CNOT3: variants seen among roughly 807,000 people sequenced by gnomAD.
The protein encoded by CNOT3 is CCR4-associated factor 3.
In CNOT3, 2 loss-of-function variants were observed where a neutral mutation model predicts 89.4. That is an observed-to-expected ratio of 0.02 (90% CI 0.01 to 0.07). The LOEUF (loss-of-function observed/expected upper bound fraction) is 0.07. Among genes scored for constraint, CNOT3 ranks in the 10% least tolerant of loss-of-function variants. CNOT3 has a pLI of 1.00. For missense variants in CNOT3, 664 were observed against 1,010.2 expected, an observed-to-expected ratio of 0.66 and a Z score of 4.65; for synonymous variants, 486 against 402.0, an observed-to-expected ratio of 1.21 and a Z score of -2.50.
intron 1 of CNOT3, among the ~76,000 whole-genome samples, chr19:54,139,402 C>T (rs62144173): frequency 2.0e-5 from 3 of 152,130 alleles, no homozygotes; most frequent in Admixed American, 2.0e-4. Flanking sequence ...ACAAGGGTTT[C>T]GCCTTCTGGC....
In CNOT3 at chr19:54,142,433, T is replaced by TAC. The variant is rs3037339; in HGVS notation, c.-50-479_-50-478dup. The stretch of plus-strand genomic sequence containing the variant: ...AATCTTTCTTCTCCTACCTACAGCT[T>TAC]ACACACACACACACACACGCCCTTC... On this transcript the variant is annotated intron_variant, in intron 1 of 17. Transcript: ENST00000221232. The TAC allele has an allele frequency of 4.7e-5, 6 of 126,720 alleles. No individual in the cohort carries two copies. In the South Asian group the frequency reaches 8.2e-4, roughly 17 times the overall value. 7.8% of individuals were successfully genotyped at this position (126,720 alleles called of 1,614,324 possible). A position where few individuals can be genotyped will look rare whatever the true frequency, so the allele number is the denominator to read the frequency against.
At chr19:54,154,140 C>T (rs4806718) in intron 17 of CNOT3, 375,705 of 612,752 alleles carry the variant, frequency 0.61, 116,718 homozygotes, top group East Asian at 0.72. Flanking sequence ...GCACACTCGC[C>T]TGGGGTGTGG....
chr19:54,149,672 T>G lies in CNOT3; in HGVS notation c.1519T>G (p.Ser507Ala). The change falls in exon 13 of 18, where the codon TCC becomes GCC. Residue 507 changes from serine to alanine, a missense_variant. Coordinates refer to ENST00000221232, the MANE Select transcript of CNOT3 (RefSeq NM_014516.4). ...GCCACTGCCTGTGAATCCTCCCAGC[T>G]CCCCAACGCCCAGCTTCAGTGATGC... ...LVPLPVNPPS[S>A]PTPSFSDAKA... 1 of 1,613,954 alleles carries G rather than the reference T, an allele frequency of 6.2e-7. No homozygotes were observed. The highest frequency in any genetic ancestry group is 8.5e-7 in the Non-Finnish European group (1 of 1,179,950).
At position 54,144,264 on chromosome 19, in the gene CNOT3, G is replaced by A. The variant is rs1384147759; in HGVS notation, c.415G>A (p.Val139Met). Reference sequence around the variant, plus strand: ...TACCATCGACACGCTCAACATGCAGGTGGACCAGTTTGAGAGTGAAGTGGA... The same window carrying A: ...TACCATCGACACGCTCAACATGCAGATGGACCAGTTTGAGAGTGAAGTGGA... Reference protein sequence around the residue: ...TNTIDTLNMQVDQFESEVESL... With the variant: ...TNTIDTLNMQMDQFESEVESL... The change falls in exon 7 of 18, where the codon GTG becomes ATG. Residue 139 changes from valine (V) to methionine (M), a missense_variant. Around this residue, in one of 8 missense-constraint regions of CNOT3, gnomAD observed 37 missense variants for 79.5 expected, o/e 0.47. Coordinates refer to ENST00000221232, the MANE Select transcript of CNOT3 (RefSeq NM_014516.4). This position sits in a 1 kb window ranked among gnomAD's most constrained non-coding sequence, Gnocchi z 4.8. The A allele has an allele frequency of 2.5e-6, 4 of 1,614,038 alleles. No homozygotes were observed. Among genetic ancestry groups the A allele is most frequent in the Non-Finnish European group, 3.4e-6 (4 of 1,180,008 alleles).
chr19:54,141,060 AAG>A (rs767254874), intron 1 of CNOT3, among the ~76,000 whole-genome samples: 18 of 152,146 alleles, frequency 1.2e-4, no homozygotes, highest in Admixed American at 4.6e-4. Flanking sequence ...CCTATGCAGT[AAG>A]AGGCTTTTCT....
rs952560398 is a variant in CNOT3 at position 54,145,435 on chromosome 19, G to A, written c.484-163G>A. 38 of 614,780 alleles carry A rather than the reference G, an allele frequency of 6.2e-5. No homozygotes were observed. In the African/African-American group the frequency reaches 6.8e-4, roughly 11 times the overall value. The allele number at this position is 614,780 out of a possible 1,614,324, so 38.1% of individuals were successfully genotyped here. A position where few individuals can be genotyped will look rare whatever the true frequency, so the allele number is the denominator to read the frequency against. On this transcript the variant is annotated intron_variant, in intron 7 of 17. Coordinates refer to ENST00000221232, the MANE Select transcript of CNOT3 (RefSeq NM_014516.4). The surrounding 1 kb of genome is among the most constrained non-coding windows in gnomAD (Gnocchi z 5.9). ...CAAGGCTAAGATTGGTCCCCACAGG[G>A]CTCAGAGGGTGGGTGGACCCCATAC...
At chr19:54,150,421 C>T (rs1447795713) in intron 13 of CNOT3, among the ~76,000 whole-genome samples, 2 of 152,152 alleles carry the variant, frequency 1.3e-5, no homozygotes, top group African/African-American at 4.8e-5. Flanking sequence ...GTCCACTCTG[C>T]AGGAGACAGT....
chr19:54,146,500 C>T (rs1314611949), intron 9 of CNOT3, 101 bp from the exon 10 acceptor site: 5 of 755,936 alleles, frequency 6.6e-6, no homozygotes, highest in South Asian at 1.4e-5. Context: ...GCCGCAATGG[C>T]AGTCAATTGG....
chr19:54,151,432 G>A (rs1264457260), intron 13 of CNOT3, among the ~76,000 whole-genome samples: 1 of 152,134 alleles, frequency 6.6e-6, no homozygotes, highest in Non-Finnish European at 1.5e-5. Context: ...AGCTGGGCGT[G>A]GTGGCTCACA....
Position 54,145,852 on chromosome 19 carries a change from G to A in CNOT3, c.703+35G>A. ...TGGGGCTGATCGTGGCACAGGAAGTGAGGGCCCAGAATGGGCTGTGTGAGC... is the reference window on the plus strand; with the variant it reads ...TGGGGCTGATCGTGGCACAGGAAGTAAGGGCCCAGAATGGGCTGTGTGAGC... On this transcript the variant is annotated intron_variant, in intron 8 of 17. Transcript: ENST00000221232. The surrounding 1 kb of genome is among the most constrained non-coding windows in gnomAD (Gnocchi z 5.9). 6.2e-7 allele frequency: 1 copy of A among 1,609,320 alleles called. No individual in the cohort carries two copies. Among genetic ancestry groups the A allele is most frequent in the South Asian group, 1.1e-5 (1 of 90,886 alleles).
chr19:54,141,554 T>A (rs1030388072), intron 1 of CNOT3: 2 of 152,238 alleles, frequency 1.3e-5, no homozygotes, highest in African/African-American at 4.8e-5. Flanking sequence ...ACATTTCAGA[T>A]GTTCAGTGGC....
chr19:54,137,939 C>G lies in CNOT3; in HGVS notation c.-105C>G, dbSNP rs1260785483. The stretch of plus-strand genomic sequence containing the variant: ...GGGCGCGAGAAAAAGGCGGCGGGCG[C>G]TCGCCTCCCCCGCCTGTCGCGATAC... On this transcript the variant is annotated 5_prime_UTR_variant, in exon 1 of 18. Transcript: ENST00000221232. 1 of 152,102 alleles carries G rather than the reference C, an allele frequency of 6.6e-6. No individual in the cohort carries two copies. Among genetic ancestry groups the G allele is most frequent in the East Asian group, 1.9e-4 (1 of 5,152 alleles). The allele number at this position is 152,102 out of a possible 1,614,324, so 9.4% of individuals were successfully genotyped here.
intron 3 of CNOT3, 25 bp downstream of exon 3, chr19:54,143,211 T>C (rs746708232): frequency 6.2e-7 from 1 of 1,605,290 alleles, no homozygotes; most frequent in South Asian, 1.1e-5. Flanking sequence ...ACCCTAATAA[T>C]CTGGGTCTTC....
intron 1 of CNOT3, among the ~76,000 whole-genome samples, chr19:54,140,552 A>T (rs902069212): frequency 3.3e-5 from 5 of 152,112 alleles, no homozygotes; most frequent in African/African-American, 1.2e-4. Flanking sequence ...GACCAGAGGT[A>T]CAGATACCCT....
intron 10 of CNOT3, among the ~76,000 whole-genome samples, chr19:54,147,181 G>A (rs1263187140): frequency 6.6e-6 from 1 of 152,182 alleles, no homozygotes. Context: ...AGACGGTGGC[G>A]GGCAGTGCTT....
rs2075358496 is a variant in CNOT3, at chr19:54,155,526, A to T, written c.*119A>T. On this transcript the variant is annotated 3_prime_UTR_variant, in exon 18 of 18. Coordinates refer to ENST00000221232, the MANE Select transcript of CNOT3 (RefSeq NM_014516.4). ...AAGCCACGGGGCATCCCCCTCTCCCAGGAAGCAGGGAGGGGGCCGGGAGGT... is the reference window on the plus strand; with the variant it reads ...AAGCCACGGGGCATCCCCCTCTCCCTGGAAGCAGGGAGGGGGCCGGGAGGT... 3 of 916,064 alleles carry T rather than the reference A, an allele frequency of 3.3e-6. No homozygotes were observed. Among genetic ancestry groups the T allele is most frequent in the Non-Finnish European group, 4.9e-6 (3 of 614,290 alleles). 56.7% of individuals were successfully genotyped at this position (916,064 alleles called of 1,614,324 possible). A position where few individuals can be genotyped will look rare whatever the true frequency, so the allele number is the denominator to read the frequency against.
At chr19:54,147,973 G>C (rs587601220) in intron 10 of CNOT3, among the ~76,000 whole-genome samples, 175 bp from the exon 11 acceptor site, 1 of 152,138 alleles carries the variant, frequency 6.6e-6, no homozygotes. Context: ...GCATGAAGGT[G>C]ATTGAAGCCA....
intron 17 of CNOT3, 36 bp from the exon 18 acceptor site, chr19:54,155,273 C>G: frequency 6.2e-7 from 1 of 1,609,944 alleles, no homozygotes; most frequent in Non-Finnish European, 8.5e-7. Context: ...AGACCACCTC[C>G]TCGTCCACTC....
At chr19:54,142,607 C>G (rs745621406) in intron 1 of CNOT3, 10 of 425,576 alleles carry the variant, frequency 2.3e-5, no homozygotes, top group African/African-American at 4.0e-5. Context: ...CATGACTGTC[C>G]TGCTCTGAAA....
Sources: gnomAD v4.1 joint callset for allele counts (sites outside exome capture counted in the v4.1 genomes callset) on GRCh38, gnomAD v4.1.1 for gene constraint, gnomAD v4.1.1 regional missense constraint, Gnocchi (gnomAD v3.1) non-coding constraint, MANE v1.5 for transcripts, NCBI Gene and HGNC (gene_info 2026-07-23, HGNC 2026-07-21) for gene names.